The following TLR6 variants were observed in gnomAD, a reference collection of about 807,000 sequenced individuals.
TLR6 encodes toll like receptor 6.
In TLR6, 9 loss-of-function variants were observed where a neutral mutation model predicts 16.1. The observed-to-expected ratio is 0.56, with a 90% CI of 0.34 to 0.98. The LOEUF (loss-of-function observed/expected upper bound fraction) is 0.98, where lower values mean the gene tolerates loss of function less well. Ranked by LOEUF, TLR6 falls within the 50% of genes least tolerant of loss-of-function variation. TLR6 has a pLI of 0.02. For missense variants in TLR6, 786 were observed against 921.0 expected (o/e 0.85, Z 1.90); for synonymous variants, 340 against 338.6 (o/e 1.00, Z -0.04).
upstream of TLR6, among the ~76,000 whole-genome samples, chr4:38,861,070 G>C (rs186083071): frequency 3.9e-5 from 6 of 152,098 alleles, no homozygotes; most frequent in East Asian, 9.7e-4. Flanking sequence ...TCACACACCA[G>C]AGCCTGGGAG....
At chr4:38,825,632 T>A (rs1477545008) in exon 2 of TLR6, 1 of 152,430 alleles carries the variant, frequency 6.6e-6, no homozygotes, top group Non-Finnish European at 1.5e-5. Flanking sequence ...CAGGGCCACA[T>A]TATCTGGCTG....
chr4:38,831,585 T>C (rs1711586451), intron 1 of TLR6, among the ~76,000 whole-genome samples: 1 of 152,110 alleles, frequency 6.6e-6, no homozygotes, highest in South Asian at 2.1e-4. Flanking sequence ...AACCACAGAC[T>C]CAGAGAAGAT....
At chr4:38,833,087 C>T (rs574355771) in intron 1 of TLR6, among the ~76,000 whole-genome samples, 19 of 152,316 alleles carry the variant, frequency 1.2e-4, no homozygotes, top group Non-Finnish European at 2.4e-4. Context: ...CTTGCCCAGC[C>T]TGCTGCTGCC....
intron 1 of TLR6, among the ~76,000 whole-genome samples, chr4:38,831,427 A>C (rs2109419338): frequency 6.6e-6 from 1 of 152,352 alleles, no homozygotes; most frequent in East Asian, 1.9e-4. Flanking sequence ...ATAACATAGG[A>C]GAAAATCTAG....
At chr4:38,842,359 A>G (rs549119329) in intron 1 of TLR6, among the ~76,000 whole-genome samples, 1 of 152,336 alleles carries the variant, frequency 6.6e-6, no homozygotes, top group East Asian at 1.9e-4. Flanking sequence ...AAAACTAGCC[A>G]TAAGTGGCCT....
chr4:38,829,342 A>C, exon 2 of TLR6: 2 of 1,614,118 alleles, frequency 1.2e-6, no homozygotes, highest in Non-Finnish European at 1.7e-6. Flanking sequence ...TTGGAACATG[A>C]ATAAGACCTC....
chr4:38,839,127 G>T (rs117734346), intron 1 of TLR6, among the ~76,000 whole-genome samples: 20,004 of 125,760 alleles, frequency 0.16, 1,906 homozygotes, highest in Middle Eastern at 0.37. Flanking sequence ...GGGGAGGAAG[G>T]GAGGGAAGGG....
intron 1 of TLR6, among the ~76,000 whole-genome samples, chr4:38,835,167 A>T (rs934918901): frequency 6.6e-6 from 1 of 152,178 alleles, no homozygotes; most frequent in Admixed American, 6.5e-5. Context: ...CACTTAAAAG[A>T]TACAAACTAG....
intron 1 of TLR6, among the ~76,000 whole-genome samples, chr4:38,839,325 G>T (rs904499158): frequency 6.6e-6 from 1 of 150,874 alleles, no homozygotes; most frequent in African/African-American, 2.5e-5. Flanking sequence ...AAAATTAATA[G>T]AAATGGAAAA....
chr4:38,858,745 G>A (rs920020512), upstream of TLR6, among the ~76,000 whole-genome samples: 1 of 89,514 alleles, frequency 1.1e-5, no homozygotes, highest in Non-Finnish European at 2.1e-5. Flanking sequence ...GAAAGAAAGA[G>A]AGAGAGAGAG....
chr4:38,847,739 G>A (rs1359619710), intron 1 of TLR6, among the ~76,000 whole-genome samples: 1 of 152,228 alleles, frequency 6.6e-6, no homozygotes, highest in Non-Finnish European at 1.5e-5. Flanking sequence ...CTGGGGGAGG[G>A]GCGCCAGCCA....
At chr4:38,835,307 A>C (rs748984854) in intron 1 of TLR6, among the ~76,000 whole-genome samples, 27 of 152,226 alleles carry the variant, frequency 1.8e-4, no homozygotes, top group Admixed American at 5.9e-4. Flanking sequence ...AACCAAAAGC[A>C]AGCAAGAATA....
At chr4:38,851,706 A>G (rs1443143287) in intron 1 of TLR6, among the ~76,000 whole-genome samples, 2 of 152,164 alleles carry the variant, frequency 1.3e-5, no homozygotes, top group African/African-American at 4.8e-5. Flanking sequence ...CTTCAAGGAG[A>G]ACTACAAACC....
In TLR6 at chr4:38,854,940, T is replaced by C. The variant is rs533384164; in HGVS notation, c.-65+1821A>G. On this transcript the variant is annotated intron_variant, in intron 1 of 1. Coordinates refer to ENST00000436693, the Ensembl canonical transcript of TLR6. ...AATAGAAAATTATGGCCGGGCGCAG[T>C]GGCTCACGCCTCTCATCCCAGCACT... 3.0e-3 allele frequency among the ~76,000 whole-genome samples: 450 copies of C among 152,236 alleles called. 3 individuals carry two copies. The highest frequency in any genetic ancestry group is 5.1e-3 in the Non-Finnish European group (348 of 68,022).
chr4:38,847,088 TA>T (rs1297668041), intron 1 of TLR6, among the ~76,000 whole-genome samples: 1 of 152,086 alleles, frequency 6.6e-6, no homozygotes, highest in East Asian at 1.9e-4. Flanking sequence ...TTCAATTGAG[TA>T]AGTCAAACAA....
chr4:38,846,002 G>A (rs1269701754), intron 1 of TLR6, among the ~76,000 whole-genome samples: 1 of 149,516 alleles, frequency 6.7e-6, no homozygotes, highest in African/African-American at 2.5e-5. Flanking sequence ...TGAGGCAGGA[G>A]AATCACTTGA....
chr4:38,848,599 T>C (rs1353192052), intron 1 of TLR6, among the ~76,000 whole-genome samples: 1 of 152,176 alleles, frequency 6.6e-6, no homozygotes, highest in Non-Finnish European at 1.5e-5. Flanking sequence ...CTGATGGAGC[T>C]GAAAACCATG....
At chr4:38,850,238 A>C (rs189925799) in intron 1 of TLR6, among the ~76,000 whole-genome samples, 2 of 152,250 alleles carry the variant, frequency 1.3e-5, no homozygotes, top group Non-Finnish European at 2.9e-5. Context: ...CAGTGTGTAG[A>C]GGGAAATTTA....
At chr4:38,826,926 C>G in exon 2 of TLR6, 1 of 620,868 alleles carries the variant, frequency 1.6e-6, no homozygotes, top group Non-Finnish European at 2.7e-6. Context: ...CTAACCTCAC[C>G]GCCTAGCTCA....
Sources: gnomAD v4.1 joint callset for allele counts (sites outside exome capture counted in the v4.1 genomes callset) on GRCh38, gnomAD v4.1.1 for gene constraint, MANE v1.5 for transcripts, NCBI Gene and HGNC (gene_info 2026-07-23, HGNC 2026-07-21) for gene names.